STXBP6: variants seen among roughly 807,000 people sequenced by gnomAD.
The protein encoded by STXBP6 is syntaxin binding protein 6, also known as syntaxin-binding protein 6.
A neutral mutation model predicts 26.9 loss-of-function variants in STXBP6; 21 were observed. That is an observed-to-expected ratio of 0.78 (90% CI 0.55 to 1.12). The LOEUF is 1.12. Among genes scored for constraint, STXBP6 ranks in the 50% most tolerant of loss-of-function variants. The pLI, the probability that STXBP6 is intolerant of heterozygous loss-of-function variation, is 0.00. For missense variants in STXBP6, 232 were observed against 257.9 expected (o/e 0.90, Z 0.69); for synonymous variants, 97 against 92.6 (o/e 1.05, Z -0.27).
chr14:24,945,322 T>G (rs1002336943), intron 2 of STXBP6, among the ~76,000 whole-genome samples: 11 of 151,828 alleles, frequency 7.2e-5, no homozygotes, highest in South Asian at 4.2e-4. Flanking sequence ...CTCACACCTG[T>G]AATCCCAGCA....
At chr14:24,949,892 C>G (rs1364219948) in intron 2 of STXBP6, among the ~76,000 whole-genome samples, 1 of 152,172 alleles carries the variant, frequency 6.6e-6, no homozygotes, top group Non-Finnish European at 1.5e-5. Flanking sequence ...AAATGCCTCA[C>G]TGTAACCAAT....
chr14:24,821,372 A>C (rs1350070279), intron 4 of STXBP6, among the ~76,000 whole-genome samples: 1 of 152,228 alleles, frequency 6.6e-6, no homozygotes, highest in African/African-American at 2.4e-5. Context: ...ACTACACATA[A>C]GCCTTGCTGC....
intron 2 of STXBP6, among the ~76,000 whole-genome samples, chr14:24,925,833 G>A (rs1327346674): frequency 6.6e-6 from 1 of 152,142 alleles, no homozygotes; most frequent in African/African-American, 2.4e-5. Flanking sequence ...ACAAAAATGG[G>A]AAAGGGAGAA....
At position 24,857,103 on chromosome 14, in the gene STXBP6, C is replaced by G. The variant is rs201809466; in HGVS notation, c.209G>C (p.Gly70Ala). 2.3e-5 allele frequency: 37 copies of G among 1,613,036 alleles called. No homozygotes were observed. The Admixed American group carries it at 4.3e-4, about 19-fold the overall frequency. The change falls in exon 3 of 6, where the codon GGC (glycine) becomes GCC (alanine). Residue 70 changes from glycine (G) to alanine (A), a missense_variant. Transcript: ENST00000323944. ...ASITKVKQFE[G>A]STSFVRRSQW... ...TGATCTCCGAACAAATGATGTGGAG[C>G]CTTCAAACTGTTTGACCTTTGTGAT...
rs140189764 is a variant in STXBP6 at position 24,864,886 on chromosome 14, G to C, written c.155-7729C>G. 8.5e-5 allele frequency among the ~76,000 whole-genome samples: 13 copies of C among 152,126 alleles called. No homozygotes were observed. In the East Asian group the frequency reaches 2.5e-3, roughly 30 times the overall value. ...CATACATTGTAAATGAAGGGATACA[G>C]CACTGAAGTTCTAAAAAAAAGTGCA... On this transcript the variant is annotated intron_variant, in intron 2 of 5. Transcript: ENST00000323944.
At chr14:24,871,647 AG>A (rs1234078938) in intron 2 of STXBP6, among the ~76,000 whole-genome samples, 1 of 152,212 alleles carries the variant, frequency 6.6e-6, no homozygotes, top group Non-Finnish European at 1.5e-5. Flanking sequence ...CTCCAGAGCA[AG>A]GACTGTCTGC....
intron 2 of STXBP6, among the ~76,000 whole-genome samples, chr14:24,892,096 A>G (rs1452096621): frequency 6.6e-6 from 1 of 152,110 alleles, no homozygotes; most frequent in Middle Eastern, 3.2e-3. Context: ...TACCCCCAAC[A>G]CATGTACACA....
chr14:24,914,587 C>A (rs2071691288), intron 2 of STXBP6, among the ~76,000 whole-genome samples: 1 of 152,158 alleles, frequency 6.6e-6, no homozygotes, highest in African/African-American at 2.4e-5. Flanking sequence ...AGAACATATG[C>A]AACTATCCTG....
chr14:24,864,929 C>T (rs544642711), intron 2 of STXBP6, among the ~76,000 whole-genome samples: 2 of 152,196 alleles, frequency 1.3e-5, no homozygotes, highest in Non-Finnish European at 2.9e-5. Context: ...ACTAAGAACC[C>T]GCCACCTTCT....
chr14:24,954,699 A>G (rs2073283175), intron 2 of STXBP6, among the ~76,000 whole-genome samples: 1 of 152,210 alleles, frequency 6.6e-6, no homozygotes, highest in South Asian at 2.1e-4. Context: ...GACATAGGTC[A>G]TCTTTCCTAT....
At chr14:24,972,330 C>A (rs2073928651) in intron 2 of STXBP6, among the ~76,000 whole-genome samples, 1 of 152,156 alleles carries the variant, frequency 6.6e-6, no homozygotes, top group Non-Finnish European at 1.5e-5. Flanking sequence ...TCTTCTATGG[C>A]AGGGGAAATG....
At chr14:24,887,499 A>G (rs558975782) in intron 2 of STXBP6, among the ~76,000 whole-genome samples, 35 of 152,350 alleles carry the variant, frequency 2.3e-4, no homozygotes, top group Admixed American at 8.5e-4. Flanking sequence ...TCAAACATTA[A>G]TGGAGGCTTC....
intron 1 of STXBP6, among the ~76,000 whole-genome samples, chr14:25,021,256 G>T (rs1488845880): frequency 6.6e-6 from 1 of 151,862 alleles, no homozygotes; most frequent in Non-Finnish European, 1.5e-5. Flanking sequence ...ACTCCATTTG[G>T]GCTTCAGATT....
At chr14:24,958,158 T>C (rs755239945) in intron 2 of STXBP6, among the ~76,000 whole-genome samples, 4 of 152,172 alleles carry the variant, frequency 2.6e-5, no homozygotes, top group African/African-American at 4.8e-5. Context: ...AGGCTAAAAA[T>C]AGAATAATCC....
At chr14:24,906,177 A>AT (rs1422671236) in intron 2 of STXBP6, among the ~76,000 whole-genome samples, 1 of 152,048 alleles carries the variant, frequency 6.6e-6, no homozygotes, top group Non-Finnish European at 1.5e-5. Context: ...AATGCTCTCT[A>AT]TTTTTTCTCA....
chr14:24,827,475 C>G (rs1299109387), intron 4 of STXBP6, among the ~76,000 whole-genome samples: 1 of 152,134 alleles, frequency 6.6e-6, no homozygotes, highest in African/African-American at 2.4e-5. Flanking sequence ...CTCCTACATT[C>G]ATTGTGTCAA....
chr14:24,923,380 T>C (rs1221439400), intron 2 of STXBP6, among the ~76,000 whole-genome samples: 1 of 152,210 alleles, frequency 6.6e-6, no homozygotes, highest in Non-Finnish European at 1.5e-5. Flanking sequence ...AATGTTTTTA[T>C]TCATTTTCCT....
intron 1 of STXBP6, among the ~76,000 whole-genome samples, chr14:24,991,055 G>T (rs2074460611): frequency 6.6e-6 from 1 of 151,454 alleles, no homozygotes; most frequent in Admixed American, 6.6e-5. Context: ...AGAGCAGACA[G>T]AAGACAGAGG....
intron 2 of STXBP6, among the ~76,000 whole-genome samples, chr14:24,964,876 G>A (rs2073683329): frequency 6.6e-6 from 1 of 152,076 alleles, no homozygotes; most frequent in African/African-American, 2.4e-5. Context: ...GATAGGTGTA[G>A]GAAAATAACA....
Sources: gnomAD v4.1 joint callset for allele counts (sites outside exome capture counted in the v4.1 genomes callset) on GRCh38, gnomAD v4.1.1 for gene constraint, MANE v1.5 for transcripts, NCBI Gene and HGNC (gene_info 2026-07-23, HGNC 2026-07-21) for gene names.